The following NPEPPS variants were observed in gnomAD, a reference collection of about 807,000 sequenced individuals.
NPEPPS encodes aminopeptidase puromycin sensitive.
In NPEPPS, 14 loss-of-function variants were observed where a neutral mutation model predicts 115.5. The observed-to-expected ratio is 0.12, with a 90% confidence interval of 0.08 to 0.19. The LOEUF (loss-of-function observed/expected upper bound fraction) is 0.19, where lower values mean the gene tolerates loss of function less well. Among genes scored for constraint, NPEPPS ranks in the 10% least tolerant of loss-of-function variants. The pLI is 1.00. For missense variants in NPEPPS, 523 were observed against 1,110.8 expected, an observed-to-expected ratio of 0.47 and a Z score of 7.52; for synonymous variants, 285 against 390.6, an observed-to-expected ratio of 0.73 and a Z score of 3.19.
chr17:47,543,468 C>G (rs1461729694), intron 1 of NPEPPS, among the ~76,000 whole-genome samples: 1 of 150,574 alleles, frequency 6.6e-6, no homozygotes, highest in East Asian at 1.9e-4. Context: ...CAGGCGCGCA[C>G]CACAGGCCTG....
chr17:47,613,495 G>A (rs1317754727), intron 18 of NPEPPS, among the ~76,000 whole-genome samples, 174 bp from the exon 19 acceptor site: 1 of 152,052 alleles, frequency 6.6e-6, no homozygotes, highest in Non-Finnish European at 1.5e-5. Context: ...TGGAACTGCT[G>A]ACCTCAGGTG....
chr17:47,563,038 TG>T lies in NPEPPS; in HGVS notation c.341-6378del, dbSNP rs200576447. ...TGGTTTTTTTGTTGTTTGTTTGTTT[TG>T]TTTTTTTTTTGAGATGGAGTCTCGC... On this transcript the variant is annotated intron_variant, in intron 2 of 22. Transcript: ENST00000322157. 1.0e-3 allele frequency among the ~76,000 whole-genome samples: 150 copies of T among 149,364 alleles called. 3 individuals are homozygous for T. The highest frequency in any genetic ancestry group is 2.6e-3 in the African/African-American group (108 of 41,120).
chr17:47,532,658 CAA>C (rs898672269), intron 1 of NPEPPS, among the ~76,000 whole-genome samples: 4,248 of 50,916 alleles, frequency 0.083, 21 homozygotes, highest in Middle Eastern at 0.25. Context: ...GACTCCGTCT[CAA>C]AAAAAAAAAA....
chr17:47,527,083 C>T (rs1907466224), upstream of NPEPPS, among the ~76,000 whole-genome samples: 1 of 152,118 alleles, frequency 6.6e-6, no homozygotes, highest in African/African-American at 2.4e-5. Context: ...TAGTGTATGA[C>T]CTTAGGCAAG....
At chr17:47,566,016 CAG>C (rs1394233229) in intron 2 of NPEPPS, among the ~76,000 whole-genome samples, 4 of 152,206 alleles carry the variant, frequency 2.6e-5, no homozygotes, top group African/African-American at 9.6e-5. Context: ...TTTTTCGAGA[CAG>C]GGTCTCACTC....
chr17:47,600,893 A>G (rs1913155329), intron 14 of NPEPPS, among the ~76,000 whole-genome samples: 1 of 152,118 alleles, frequency 6.6e-6, no homozygotes, highest in African/African-American at 2.4e-5. Flanking sequence ...CAGTGTGTAT[A>G]CCTGTTAAGG....
Position 47,585,685 on chromosome 17 carries a change from A to G in NPEPPS, c.834A>G (p.Gly278=). 1 of 1,613,802 alleles carries G rather than the reference A, an allele frequency of 6.2e-7. No individual in the cohort carries two copies. Among genetic ancestry groups the G allele is most frequent in the Non-Finnish European group, 8.5e-7 (1 of 1,179,736 alleles). ...CTCCTGTTGGCAAAGCAGAGCAAGG[A>G]AAATTTGCGTTAGAGGTAAATGTAC... The part of the protein sequence containing the change: ...VYTPVGKAEQ[G]KFALEVAAKT... Residue 278 remains glycine, a synonymous_variant, in exon 6 of 23, where the codon GGA becomes GGG. Coordinates refer to ENST00000322157, the MANE Select transcript of NPEPPS (RefSeq NM_006310.4).
upstream of NPEPPS, among the ~76,000 whole-genome samples, chr17:47,530,609 G>T (rs546779605): frequency 1.1e-3 from 168 of 149,386 alleles, 1 homozygote; most frequent in Non-Finnish European, 1.5e-3. Flanking sequence ...CGCCCGCCTC[G>T]GCCTCCCGAA....
intron 17 of NPEPPS, 81 bp downstream of exon 17, chr17:47,605,633 C>T: frequency 4.7e-6 from 4 of 850,422 alleles, no homozygotes; most frequent in Non-Finnish European, 7.5e-6. Context: ...TTAATATCAT[C>T]TTTGTATCTA....
chr17:47,560,364 T>C (rs994332195), intron 2 of NPEPPS, among the ~76,000 whole-genome samples: 1 of 152,210 alleles, frequency 6.6e-6, no homozygotes, highest in African/African-American at 2.4e-5. Context: ...CTAGAAGGAA[T>C]TTTTTGGTTC....
At chr17:47,609,423 T>C (rs1221195800) in intron 17 of NPEPPS, among the ~76,000 whole-genome samples, 1 of 152,178 alleles carries the variant, frequency 6.6e-6, no homozygotes. Flanking sequence ...TTCCTAGCTA[T>C]ACAGATGGGA....
At chr17:47,553,204 TAA>T (rs911616609) in intron 2 of NPEPPS, among the ~76,000 whole-genome samples, 1 of 145,206 alleles carries the variant, frequency 6.9e-6, no homozygotes, top group Non-Finnish European at 1.5e-5. Context: ...TCGTCTCTAC[TAA>T]AAAAAAAAGT....
intron 2 of NPEPPS, chr17:47,548,382 C>T (rs1381213659): frequency 6.6e-6 from 1 of 151,900 alleles, no homozygotes; most frequent in African/African-American, 2.4e-5. Context: ...AATAGAAGTA[C>T]TTTAGCCAGG....
At position 47,623,259 on chromosome 17, in the gene NPEPPS, AT is replaced by A. The variant is rs1914706059; in HGVS notation, c.*1340del. 2 of 173,538 alleles carry A rather than the reference AT, an allele frequency of 1.2e-5. No individual in the cohort carries two copies. The highest frequency in any genetic ancestry group is 2.5e-5 in the Non-Finnish European group (2 of 81,504). The allele number at this position is 173,538 out of a possible 1,614,324, so 10.7% of individuals were successfully genotyped here. On this transcript the variant is annotated 3_prime_UTR_variant, in exon 23 of 23. Transcript: ENST00000322157. ...TAAAAAACAGTTGGCGTTAATAAAAATGTCAATGTGAAACTGATGTCCTGAT... is the reference window on the plus strand; with the variant it reads ...TAAAAAACAGTTGGCGTTAATAAAAAGTCAATGTGAAACTGATGTCCTGAT...
intron 3 of NPEPPS, among the ~76,000 whole-genome samples, chr17:47,570,827 G>A (rs945819350): frequency 7.9e-5 from 12 of 152,228 alleles, no homozygotes; most frequent in Non-Finnish European, 1.6e-4. Context: ...TGATATGGCT[G>A]CCTTGATATC....
intron 1 of NPEPPS, 104 bp downstream of exon 1, chr17:47,531,659 T>G: frequency 7.7e-6 from 10 of 1,299,946 alleles, no homozygotes; most frequent in Non-Finnish European, 8.8e-6. Flanking sequence ...GGGCCTCGGG[T>G]CGGGGCTGGG....
chr17:47,599,826 C>CTTT, intron 14 of NPEPPS, 87 bp downstream of exon 14: 15 of 901,680 alleles, frequency 1.7e-5, no homozygotes, highest in Middle Eastern at 2.3e-4. Context: ...GGAAATTTTT[C>CTTT]TTTTTTTTTT....
upstream of NPEPPS, among the ~76,000 whole-genome samples, chr17:47,530,137 G>T (rs1197122922): frequency 6.9e-6 from 1 of 144,602 alleles, no homozygotes; most frequent in Non-Finnish European, 1.5e-5. Flanking sequence ...TAGAGACGGG[G>T]TTTCACCATA....
upstream of NPEPPS, among the ~76,000 whole-genome samples, chr17:47,527,979 G>A (rs903004141): frequency 1.9e-4 from 28 of 150,446 alleles, no homozygotes; most frequent in Non-Finnish European, 2.2e-4. Context: ...GTAAGCACTC[G>A]AAAAACATTC....
Sources: gnomAD v4.1 joint callset for allele counts (sites outside exome capture counted in the v4.1 genomes callset) on GRCh38, gnomAD v4.1.1 for gene constraint, MANE v1.5 for transcripts, NCBI Gene and HGNC (gene_info 2026-07-23, HGNC 2026-07-21) for gene names.